OSGIN2: variants seen among roughly 807,000 people sequenced by gnomAD.
The protein encoded by OSGIN2 is oxidative stress induced growth inhibitor family member 2, also known as oxidative stress-induced growth inhibitor 2.
OSGIN2 carries 19 observed loss-of-function variants against 53.8 expected under a neutral mutation model. The observed-to-expected ratio is 0.35, with a 90% confidence interval of 0.25 to 0.52. The LOEUF (loss-of-function observed/expected upper bound fraction) is 0.52. Among genes scored for constraint, OSGIN2 ranks in the 20% least tolerant of loss-of-function variants. OSGIN2 has a pLI of 0.95. For missense variants in OSGIN2, 520 were observed against 662.7 expected (o/e 0.78, Z 2.36); for synonymous variants, 236 against 236.0 (o/e 1.00, Z 0.00).
Position 89,914,123 on chromosome 8 carries a change from C to T in OSGIN2, c.246C>T (p.Tyr82=). ...GCCTTTCTTATATGTTATCAGGCTA[C>T]AGACCGTATTTATCATCAGAAGCAA... The part of the protein sequence containing the change: ...GICLSYMLSG[Y]RPYLSSEAIH... Residue 82 remains tyrosine, a synonymous_variant, in exon 3 of 6, where the codon TAC becomes TAT. Transcript: ENST00000451899. The T allele has an allele frequency of 6.2e-7, 1 of 1,608,140 alleles. No homozygotes were observed. The highest frequency in any genetic ancestry group is 8.5e-7 in the Non-Finnish European group (1 of 1,175,066).
chr8:89,914,838 G>C, intron 4 of OSGIN2, 92 bp downstream of exon 4: 2 of 878,222 alleles, frequency 2.3e-6, no homozygotes, highest in South Asian at 3.2e-5. Flanking sequence ...AATGTTATAT[G>C]TGATGTTTAT....
intron 2 of OSGIN2, among the ~76,000 whole-genome samples, chr8:89,912,663 T>C (rs907942418): frequency 6.6e-6 from 1 of 151,814 alleles, no homozygotes; most frequent in Non-Finnish European, 1.5e-5. Context: ...GGAGAATCGC[T>C]TGAACCCAGG....
intron 1 of OSGIN2, 95 bp downstream of exon 1, chr8:89,902,932 G>C (rs1392352846): frequency 2.3e-6 from 2 of 864,108 alleles, no homozygotes; most frequent in East Asian, 7.1e-5. Context: ...GGTGGAGGGC[G>C]AGCGCCTGGA....
intron 2 of OSGIN2, among the ~76,000 whole-genome samples, chr8:89,912,932 C>T (rs952050885): frequency 8.6e-5 from 13 of 151,872 alleles, no homozygotes; most frequent in African/African-American, 1.2e-4. Context: ...GGTGGGGGGC[C>T]GCAGGACTGG....
rs1809330269 is a variant in OSGIN2 at position 89,926,247 on chromosome 8, T to C, written c.*715T>C. 6.6e-6 allele frequency: 1 copy of C among 152,584 alleles called. No homozygotes were observed. The highest frequency in any genetic ancestry group is 1.5e-5 in the Non-Finnish European group (1 of 68,034). 9.5% of individuals were successfully genotyped at this position (152,584 alleles called of 1,614,324 possible). A position where few individuals can be genotyped will look rare whatever the true frequency, so the allele number is the denominator to read the frequency against. On this transcript the variant is annotated 3_prime_UTR_variant, in exon 6 of 6. Transcript: ENST00000451899. ...TGAAACCTTGACAGGTACTTCATATTCTTCTAATAATTTAAACAGTCCAAT... is the reference window on the plus strand; with the variant it reads ...TGAAACCTTGACAGGTACTTCATATCCTTCTAATAATTTAAACAGTCCAAT...
chr8:89,924,477 G>A, intron 5 of OSGIN2, 26 bp from the exon 6 acceptor site: 3 of 1,518,108 alleles, frequency 2.0e-6, no homozygotes, highest in Non-Finnish European at 2.7e-6. Flanking sequence ...TATCCTTATA[G>A]GATATTTTTC....
chr8:89,904,521 C>G (rs1042129321), intron 1 of OSGIN2, among the ~76,000 whole-genome samples: 4 of 151,308 alleles, frequency 2.6e-5, no homozygotes, highest in Non-Finnish European at 5.9e-5. Context: ...TCTGTTGTGT[C>G]TAAAGTATTT....
At chr8:89,908,247 G>C (rs745978932) in intron 1 of OSGIN2, among the ~76,000 whole-genome samples, 3 of 152,202 alleles carry the variant, frequency 2.0e-5, no homozygotes, top group Non-Finnish European at 2.9e-5. Context: ...GGCTTGCACT[G>C]TGAGGAGGGG....
chr8:89,924,356 A>G (rs1464471457), intron 5 of OSGIN2, 147 bp from the exon 6 acceptor site: 1 of 559,238 alleles, frequency 1.8e-6, no homozygotes. Context: ...AACTAAAAAT[A>G]GTTTTTTTTT....
chr8:89,915,867 C>G (rs972888727), intron 4 of OSGIN2, among the ~76,000 whole-genome samples: 20 of 152,080 alleles, frequency 1.3e-4, no homozygotes, highest in African/African-American at 4.8e-4. Flanking sequence ...AATCTTTATT[C>G]TCTTTTTAAT....
chr8:89,921,597 G>A (rs1481524254), intron 5 of OSGIN2, among the ~76,000 whole-genome samples: 1 of 152,110 alleles, frequency 6.6e-6, no homozygotes, highest in African/African-American at 2.4e-5. Flanking sequence ...TATATTTTAT[G>A]ATTGATAATT....
chr8:89,905,336 T>C (rs1174395018), intron 1 of OSGIN2, among the ~76,000 whole-genome samples: 1 of 152,340 alleles, frequency 6.6e-6, no homozygotes, highest in East Asian at 1.9e-4. Context: ...ATTGTACATA[T>C]TTTCCAATTT....
At chr8:89,922,280 C>G (rs1347271188) in intron 5 of OSGIN2, among the ~76,000 whole-genome samples, 1 of 152,096 alleles carries the variant, frequency 6.6e-6, no homozygotes, top group Admixed American at 6.5e-5. Flanking sequence ...TCAGGGAGAG[C>G]AAATTTACAT....
intron 4 of OSGIN2, 103 bp downstream of exon 4, chr8:89,914,849 C>T: frequency 1.2e-6 from 1 of 823,732 alleles, no homozygotes; most frequent in South Asian, 1.7e-5. Context: ...TGATGTTTAT[C>T]ACATTTTTAT....
In OSGIN2 at chr8:89,924,771, C is replaced by A. The variant is rs899026479; in HGVS notation, c.889C>A (p.Leu297Ile). ...TGATGGTTCTCATGTTCCCTTCTGC[C>A]TCTTTGCTGAGAATGTAGCGCTGGC... ...IADGSHVPFC[L>I]FAENVALATG... The change falls in exon 6 of 6, where the codon CTC becomes ATC. Residue 297 changes from leucine (L) to isoleucine (I), a missense_variant. Leu to Ile is a conservative substitution (Grantham distance 5, BLOSUM62 2). Coordinates refer to ENST00000451899, the MANE Select transcript of OSGIN2 (RefSeq NM_001126111.3). 1 of 1,614,186 alleles carries A rather than the reference C, an allele frequency of 6.2e-7. No individual in the cohort carries two copies. Among genetic ancestry groups the A allele is most frequent in the Admixed American group, 1.7e-5 (1 of 60,018 alleles).
At chr8:89,904,966 C>T (rs886511094) in intron 1 of OSGIN2, among the ~76,000 whole-genome samples, 98 of 152,168 alleles carry the variant, frequency 6.4e-4, no homozygotes, top group Non-Finnish European at 2.8e-4. Context: ...AAGAGTGTGA[C>T]TGACTTCATT....
At chr8:89,902,295 C>T (rs1808733285), upstream of OSGIN2, among the ~76,000 whole-genome samples, 1 of 152,174 alleles carries the variant, frequency 6.6e-6, no homozygotes, top group Non-Finnish European at 1.5e-5. Context: ...CCGGCCTCAC[C>T]AAGTCGCACG....
intron 3 of OSGIN2, 34 bp from the exon 4 acceptor site, chr8:89,914,521 T>C: frequency 6.4e-7 from 1 of 1,566,672 alleles, no homozygotes; most frequent in Non-Finnish European, 8.8e-7. Context: ...AATGCTGGCT[T>C]TTTTCAAACT....
At chr8:89,912,006 A>G (rs545528323) in intron 2 of OSGIN2, among the ~76,000 whole-genome samples, 2 of 151,720 alleles carry the variant, frequency 1.3e-5, no homozygotes, top group South Asian at 2.1e-4. Context: ...AAGGCTTCCT[A>G]TTCTAGAATT....
Sources: allele counts gnomAD v4.1 joint callset (sites outside exome capture counted in the v4.1 genomes callset), GRCh38; gene constraint gnomAD v4.1.1; transcripts MANE v1.5; gene names NCBI Gene and HGNC (gene_info 2026-07-23, HGNC 2026-07-21).